The following ABCC11 variants were observed in gnomAD, a reference collection of about 807,000 sequenced individuals.
The protein encoded by ABCC11 is ATP-binding cassette sub-family C member 11.
Under a neutral mutation model 149.3 loss-of-function variants are expected in ABCC11, and 135 were observed. The ratio of observed to expected loss-of-function variants is 0.90; its 90% confidence interval spans 0.79 to 1.04. The LOEUF is 1.04. ABCC11 is among the 50% of genes least tolerant of loss of function. The probability of loss-of-function intolerance (pLI) is 0.00; values close to 1 mark genes in which losing one functional copy is unlikely to be tolerated. For missense variants in ABCC11, 1,680 were observed against 1,722.1 expected (o/e 0.98, Z 0.43); for synonymous variants, 665 against 671.4 (o/e 0.99, Z 0.15).
chr16:48,191,839 G>T (rs1966948957), intron 20 of ABCC11, among the ~76,000 whole-genome samples: 1 of 151,988 alleles, frequency 6.6e-6, no homozygotes, highest in African/African-American at 2.4e-5. Context: ...TGGGGTTGGG[G>T]GACGGGGGAG....
At chr16:48,231,597 G>C (rs557386495) in intron 2 of ABCC11, among the ~76,000 whole-genome samples, 4 of 151,310 alleles carry the variant, frequency 2.6e-5, no homozygotes, top group Admixed American at 2.6e-4. Context: ...AACCCAGGAG[G>C]TGTCAGTGAG....
chr16:48,179,406 G>A (rs749049317), intron 23 of ABCC11, among the ~76,000 whole-genome samples: 33 of 152,332 alleles, frequency 2.2e-4, no homozygotes, highest in Non-Finnish European at 4.1e-4. Context: ...CCACAGAAAC[G>A]TCTAGAAGCT....
chr16:48,232,015 A>G, intron 1 of ABCC11, 76 bp from the exon 2 acceptor site: 2 of 1,591,212 alleles, frequency 1.3e-6, no homozygotes, highest in Non-Finnish European at 8.6e-7. Context: ...TTGAGCAGCC[A>G]GAAGAGGGGG....
intron 2 of ABCC11, among the ~76,000 whole-genome samples, chr16:48,231,477 C>T (rs1035924206): frequency 1.3e-5 from 2 of 151,784 alleles, no homozygotes; most frequent in Non-Finnish European, 2.9e-5. Context: ...GCCTGGGCAA[C>T]ATAGGGAGAC....
At position 48,187,253 on chromosome 16, in the gene ABCC11, A is replaced by G. The variant is rs1191905527; in HGVS notation, c.2881T>C (p.Tyr961His). The G allele has an allele frequency of 1.2e-6, 2 of 1,614,194 alleles. No individual in the cohort carries two copies. Among genetic ancestry groups the G allele is most frequent in the South Asian group, 2.2e-5 (2 of 91,090 alleles). Residue 961 changes from tyrosine (Y) to histidine (H), a missense_variant, in exon 21 of 30, where the codon TAT becomes CAT. Transcript: ENST00000356608. Reference sequence around the variant, plus strand: ...ATTATGGCTCCCATTAACAGGATATATGGAGACAGCACACTGACAATCAAC... The same window carrying G: ...ATTATGGCTCCCATTAACAGGATATGTGGAGACAGCACACTGACAATCAAC... ...VLLIVSVLSP[Y>H]ILLMGAIIMV...
In ABCC11 at chr16:48,215,943, C is replaced by T. The variant is rs76995103; in HGVS notation, c.951+171G>A. On this transcript the variant is annotated intron_variant, in intron 7 of 29. Coordinates refer to ENST00000356608, the MANE Select transcript of ABCC11 (RefSeq NM_001370497.1). Reference sequence around the variant, plus strand: ...CATTCACCTCTTATTTACTTCTTAACCGAATGTTGTGGCCAGAGAATAGTT... The same window carrying T: ...CATTCACCTCTTATTTACTTCTTAATCGAATGTTGTGGCCAGAGAATAGTT... Among the ~76,000 whole-genome samples, 256 of 152,286 alleles carry T rather than the reference C, an allele frequency of 1.7e-3. 1 individual carries two copies. The highest frequency in any genetic ancestry group is 5.9e-3 in the African/African-American group (244 of 41,544).
At chr16:48,238,755 G>C (rs1273933926) in intron 1 of ABCC11, among the ~76,000 whole-genome samples, 1 of 151,780 alleles carries the variant, frequency 6.6e-6, no homozygotes, top group Non-Finnish European at 1.5e-5. Flanking sequence ...GGCTAACACG[G>C]TGAAACCCCG....
At chr16:48,173,693 C>T (rs546297634) in intron 26 of ABCC11, among the ~76,000 whole-genome samples, 22 of 152,294 alleles carry the variant, frequency 1.4e-4, no homozygotes, top group Non-Finnish European at 2.1e-4. Flanking sequence ...AGCACGATCT[C>T]GGCTCACTGC....
intron 14 of ABCC11, among the ~76,000 whole-genome samples, chr16:48,201,458 CT>C (rs1035134773): frequency 6.2e-5 from 9 of 146,010 alleles, no homozygotes; most frequent in East Asian, 2.0e-4. Flanking sequence ...GTTTTTAAAC[CT>C]TTTTTTTTCT....
rs190467718 is a variant in ABCC11 at position 48,241,289 on chromosome 16, C to T, written c.-19+6025G>A. Among the ~76,000 whole-genome samples, 276 of 152,252 alleles carry T rather than the reference C, an allele frequency of 1.8e-3. 1 individual carries two copies. The highest frequency in any genetic ancestry group is 4.5e-3 in the Admixed American group (69 of 15,280). ...CCAAAATGCATATCATTGATCTAAT[C>T]GTGAGAAACAGTAGATAAACTCCAA... On this transcript the variant is annotated intron_variant, in intron 1 of 29. Coordinates refer to ENST00000356608, the MANE Select transcript of ABCC11 (RefSeq NM_001370497.1).
At chr16:48,243,388 C>A (rs915113788) in intron 1 of ABCC11, among the ~76,000 whole-genome samples, 1 of 128,538 alleles carries the variant, frequency 7.8e-6, no homozygotes, top group Non-Finnish European at 1.6e-5. Context: ...GGTGACAGAG[C>A]GAGACTCCGT....
chr16:48,171,078 G>C, intron 26 of ABCC11, 111 bp from the exon 27 acceptor site: 2 of 987,220 alleles, frequency 2.0e-6, no homozygotes, highest in South Asian at 2.9e-5. Flanking sequence ...ATGGGGTTTA[G>C]GGAAATTCAT....
At chr16:48,190,668 A>T (rs1038862829) in intron 20 of ABCC11, among the ~76,000 whole-genome samples, 1 of 152,132 alleles carries the variant, frequency 6.6e-6, no homozygotes, top group Non-Finnish European at 1.5e-5. Flanking sequence ...CCCAGCTGAC[A>T]ATTCAGTATT....
intron 20 of ABCC11, among the ~76,000 whole-genome samples, chr16:48,191,222 G>C (rs555950985): frequency 6.6e-6 from 1 of 152,244 alleles, no homozygotes; most frequent in African/African-American, 2.4e-5. Context: ...AATGTCCCAC[G>C]TTAATGCAAG....
At chr16:48,217,439 T>C (rs1267509870) in intron 6 of ABCC11, among the ~76,000 whole-genome samples, 1 of 151,872 alleles carries the variant, frequency 6.6e-6, no homozygotes, top group African/African-American at 2.4e-5. Flanking sequence ...CTATAAAAAG[T>C]AGGAAAATTA....
Position 48,167,630 on chromosome 16 carries a change from TG to T in ABCC11, c.3921del (p.Ile1308LeufsTer8). 1.2e-6 allele frequency: 2 copies of T among 1,614,122 alleles called. No individual in the cohort carries two copies. Among genetic ancestry groups the T allele is most frequent in the Non-Finnish European group, 1.7e-6 (2 of 1,180,014 alleles). On this transcript the variant is annotated frameshift_variant, in exon 29 of 30. Transcript: ENST00000356608. LOFTEE classifies it high-confidence loss of function. ...KIILIDEATA[S>X]IDMETDTLIQ... ...ATCAGGGTGTCTGTCTCCATGTCAA[TG>T]GAGGCTGTGGCTTCATCGATAAGGA...
chr16:48,205,687 GC>G, intron 12 of ABCC11, 150 bp from the exon 13 acceptor site: 2 of 1,035,594 alleles, frequency 1.9e-6, no homozygotes, highest in Non-Finnish European at 2.7e-6. Flanking sequence ...GCCCTACCAG[GC>G]CCACCAGCGA....
At chr16:48,179,981 G>A (rs1026431912) in intron 23 of ABCC11, among the ~76,000 whole-genome samples, 1 of 152,248 alleles carries the variant, frequency 6.6e-6, no homozygotes, top group Admixed American at 6.5e-5. Flanking sequence ...GCACCATGAT[G>A]AAATGGTGCT....
At chr16:48,226,271 CTTT>C (rs34235862) in intron 4 of ABCC11, among the ~76,000 whole-genome samples, 2 of 119,514 alleles carry the variant, frequency 1.7e-5, no homozygotes, top group African/African-American at 3.1e-5. Context: ...TTATGATCCA[CTTT>C]TTTTTTTTTT....
Sources: gnomAD v4.1 joint callset for allele counts (sites outside exome capture counted in the v4.1 genomes callset) on GRCh38, gnomAD v4.1.1 for gene constraint, MANE v1.5 for transcripts, NCBI Gene and HGNC (gene_info 2026-07-23, HGNC 2026-07-21) for gene names.